TENM4: variants seen among roughly 807,000 people sequenced by gnomAD.
TENM4 encodes the protein teneurin transmembrane protein 4.
TENM4 carries 82 observed loss-of-function variants against 243.3 expected under a neutral mutation model. The observed-to-expected ratio is 0.34, with a 90% CI of 0.28 to 0.40. The LOEUF (loss-of-function observed/expected upper bound fraction) is 0.40. Among genes scored for constraint, TENM4 ranks in the 10% least tolerant of loss-of-function variants. The probability of loss-of-function intolerance (pLI) is 1.00; values close to 1 mark genes in which losing one functional copy is unlikely to be tolerated. For missense variants in TENM4, 3,138 were observed against 3,673.3 expected (o/e 0.85, Z 3.77); for synonymous variants, 1,412 against 1,456.3 (o/e 0.97, Z 0.69).
intron 1 of TENM4, among the ~76,000 whole-genome samples, chr11:79,355,393 C>T (rs1857478804): frequency 6.6e-6 from 1 of 152,092 alleles, no homozygotes; most frequent in Non-Finnish European, 1.5e-5. Flanking sequence ...ATTAGCCAGC[C>T]GTGGTGGTGG....
intron 2 of TENM4, among the ~76,000 whole-genome samples, chr11:79,233,795 A>G (rs982271193): frequency 1.3e-5 from 2 of 152,172 alleles, no homozygotes; most frequent in Non-Finnish European, 2.9e-5. Flanking sequence ...ATGGCTCAGA[A>G]ATAGAGTTTA....
intron 25 of TENM4, among the ~76,000 whole-genome samples, chr11:78,717,992 C>T (rs912740244): frequency 2.6e-4 from 40 of 152,192 alleles, no homozygotes; most frequent in Non-Finnish European, 5.0e-4. Context: ...CAGGCTGGCA[C>T]TGAGGCTGGA....
chr11:79,102,191 A>G (rs1861249314), intron 4 of TENM4, among the ~76,000 whole-genome samples: 1 of 152,280 alleles, frequency 6.6e-6, no homozygotes, highest in African/African-American at 2.4e-5. Flanking sequence ...CAAGTACAGC[A>G]GTTATCAATG....
chr11:79,380,042 C>G (rs1371689934), intron 1 of TENM4, among the ~76,000 whole-genome samples: 3 of 152,062 alleles, frequency 2.0e-5, no homozygotes, highest in African/African-American at 7.2e-5. Flanking sequence ...AAAGTGAGGG[C>G]AGGGCTGGTG....
At position 78,895,517 on chromosome 11, in the gene TENM4, C is replaced by T. The variant is rs182621191; in HGVS notation, c.750-4181G>A. ...CAGAGCTGAAACTAAAACCCAGGCA[C>T]CCTGACTTCCAGTTAAAGGAACCTC... On this transcript the variant is annotated intron_variant, in intron 7 of 33. Transcript: ENST00000278550. 2.6e-5 allele frequency among the ~76,000 whole-genome samples: 4 copies of T among 152,220 alleles called. No homozygotes were observed. In the East Asian group the frequency reaches 7.7e-4, roughly 29 times the overall value.
chr11:78,903,925 C>T (rs1289186778), intron 6 of TENM4: 2 of 478,134 alleles, frequency 4.2e-6, no homozygotes, highest in East Asian at 1.2e-4. Flanking sequence ...AGCCCTGCCC[C>T]AGGCTGACTG....
Position 79,323,903 on chromosome 11 carries a change from A to G in TENM4, c.-320-26360T>C, listed in dbSNP as rs1329987844. 2.0e-5 allele frequency among the ~76,000 whole-genome samples: 3 copies of G among 152,018 alleles called. No homozygotes were observed. The East Asian group carries it at 5.8e-4, about 29-fold the overall frequency. ...CCTATACACACACACACACACACAC[A>G]TATATACACTGACATACATGCAGAT... is the stretch of plus-strand genomic sequence containing the variant. On this transcript the variant is annotated intron_variant, in intron 1 of 33. Coordinates refer to ENST00000278550, the MANE Select transcript of TENM4 (RefSeq NM_001098816.3).
chr11:78,986,957 T>C (rs1857934115), intron 6 of TENM4, among the ~76,000 whole-genome samples: 2 of 152,140 alleles, frequency 1.3e-5, no homozygotes, highest in Non-Finnish European at 2.9e-5. Flanking sequence ...ATAATTATAT[T>C]CCCTTATACA....
intron 16 of TENM4, among the ~76,000 whole-genome samples, chr11:78,785,371 C>T (rs1296077146): frequency 6.6e-6 from 1 of 152,120 alleles, no homozygotes; most frequent in Non-Finnish European, 1.5e-5. Flanking sequence ...AGGTGAGGGA[C>T]TCTGAGTGCA....
chr11:79,359,679 G>A (rs973920178), intron 1 of TENM4, among the ~76,000 whole-genome samples: 1 of 152,146 alleles, frequency 6.6e-6, no homozygotes, highest in African/African-American at 2.4e-5. Flanking sequence ...TAGGGGCAAT[G>A]GGTAAAGAAA....
intron 27 of TENM4, among the ~76,000 whole-genome samples, chr11:78,706,526 T>C (rs567041811): frequency 2.6e-5 from 4 of 152,310 alleles, no homozygotes; most frequent in African/African-American, 7.2e-5. Context: ...GTCTGTAAAA[T>C]AGATGCCAGT....
At chr11:78,894,735 G>A (rs1855748320) in intron 7 of TENM4, among the ~76,000 whole-genome samples, 1 of 152,206 alleles carries the variant, frequency 6.6e-6, no homozygotes, top group South Asian at 2.1e-4. Context: ...GCTCACACTT[G>A]TAATCCCAGC....
intron 12 of TENM4, among the ~76,000 whole-genome samples, chr11:78,842,482 C>G (rs1470357776): frequency 1.3e-5 from 2 of 152,254 alleles, no homozygotes; most frequent in African/African-American, 4.8e-5. Flanking sequence ...CAACACCCAA[C>G]TCATGCTACA....
In TENM4 at chr11:78,698,370, G is replaced by C. The variant is rs111993191; in HGVS notation, c.5087+3156C>G. On this transcript the variant is annotated intron_variant, in intron 28 of 33. Coordinates refer to ENST00000278550, the MANE Select transcript of TENM4 (RefSeq NM_001098816.3). ...CCATTGCACTCCAGCCTGGGCAACA[G>C]AGCGAGACTCCATTTCAAAAACCAA... Among the ~76,000 whole-genome samples, 1,305 of 152,106 alleles carry C rather than the reference G, an allele frequency of 8.6e-3. 22 individuals are homozygous for C. The highest frequency in any genetic ancestry group is 0.03 in the African/African-American group (1,258 of 41,420).
At chr11:79,275,443 G>A (rs1223852537) in intron 2 of TENM4, among the ~76,000 whole-genome samples, 1 of 152,210 alleles carries the variant, frequency 6.6e-6, no homozygotes, top group Admixed American at 6.5e-5. Context: ...CCAGAAATGC[G>A]CTTTGCACTC....
intron 6 of TENM4, among the ~76,000 whole-genome samples, chr11:78,921,239 G>A (rs192108284): frequency 8.5e-5 from 13 of 152,328 alleles, no homozygotes; most frequent in East Asian, 1.9e-4. Context: ...CACCTATGGC[G>A]TGATATTACT....
At chr11:79,190,744 A>C (rs1035989800) in intron 3 of TENM4, among the ~76,000 whole-genome samples, 1 of 151,744 alleles carries the variant, frequency 6.6e-6, no homozygotes, top group Non-Finnish European at 1.5e-5. Flanking sequence ...TTTTCATTAT[A>C]ATTACAGTTT....
intron 1 of TENM4, among the ~76,000 whole-genome samples, chr11:79,332,516 G>A (rs1410151898): frequency 1.3e-5 from 2 of 151,418 alleles, no homozygotes; most frequent in African/African-American, 2.4e-5. Context: ...ACCTTATGCC[G>A]GCCCACCGAA....
At chr11:79,254,452 T>C (rs1162405312) in intron 2 of TENM4, among the ~76,000 whole-genome samples, 2 of 152,166 alleles carry the variant, frequency 1.3e-5, no homozygotes, top group African/African-American at 4.8e-5. Context: ...TACACTTTCT[T>C]TTACGGAAGA....
Sources: allele counts gnomAD v4.1 joint callset (sites outside exome capture counted in the v4.1 genomes callset), GRCh38; gene constraint gnomAD v4.1.1; transcripts MANE v1.5; gene names NCBI Gene and HGNC (gene_info 2026-07-23, HGNC 2026-07-21).